CLEC2D: variants seen among roughly 807,000 people sequenced by gnomAD.
CLEC2D encodes C-type lectin domain family 2 member D, also known as C-type lectin related f.
A neutral mutation model predicts 20.0 loss-of-function variants in CLEC2D; 16 were observed. The observed-to-expected ratio is 0.80, with a 90% CI of 0.54 to 1.22. The LOEUF (loss-of-function observed/expected upper bound fraction) is 1.22, where lower values mean the gene tolerates loss of function less well. CLEC2D is among the 50% of genes most tolerant of loss of function. The probability of loss-of-function intolerance (pLI) is 0.00; values close to 1 mark genes in which losing one functional copy is unlikely to be tolerated. For synonymous variants in CLEC2D, 77 were observed against 71.1 expected (o/e 1.08, Z -0.42); for missense variants, 207 against 221.5 (o/e 0.93, Z 0.42).
intron 2 of CLEC2D, among the ~76,000 whole-genome samples, chr12:9,685,495 C>T (rs1195680929): frequency 2.0e-5 from 3 of 152,222 alleles, no homozygotes; most frequent in African/African-American, 7.2e-5. Context: ...TATCTATAAG[C>T]CCCTGACTGG....
chr12:9,681,584 C>G (rs951502106), intron 2 of CLEC2D, among the ~76,000 whole-genome samples: 5 of 148,062 alleles, frequency 3.4e-5, no homozygotes, highest in Non-Finnish European at 4.5e-5. Context: ...TTATCTTGTA[C>G]TTCAAAACAT....
At chr12:9,671,799 A>T (rs1409920095) in intron 1 of CLEC2D, among the ~76,000 whole-genome samples, 2 of 152,154 alleles carry the variant, frequency 1.3e-5, no homozygotes, top group Non-Finnish European at 2.9e-5. Context: ...TAGAGGAGGG[A>T]AATTTAAATT....
At chr12:9,672,972 A>T (rs1038372111) in intron 1 of CLEC2D, among the ~76,000 whole-genome samples, 1 of 152,032 alleles carries the variant, frequency 6.6e-6, no homozygotes, top group African/African-American at 2.4e-5. Flanking sequence ...GTAATCTTTT[A>T]TCATGCTTCT....
intron 2 of CLEC2D, among the ~76,000 whole-genome samples, chr12:9,685,994 G>A (rs1865739579): frequency 6.6e-6 from 1 of 152,134 alleles, no homozygotes. Flanking sequence ...TGGCACTCCA[G>A]AGAATCTCCT....
At chr12:9,675,274 A>G (rs1471974976) in intron 1 of CLEC2D, among the ~76,000 whole-genome samples, 2 of 150,438 alleles carry the variant, frequency 1.3e-5, no homozygotes, top group Non-Finnish European at 2.9e-5. Context: ...GCTCACTGCA[A>G]GCTCCGCCTC....
At chr12:9,685,775 T>A (rs1865735259) in intron 2 of CLEC2D, among the ~76,000 whole-genome samples, 1 of 152,132 alleles carries the variant, frequency 6.6e-6, no homozygotes, top group Non-Finnish European at 1.5e-5. Context: ...AGCCAGTGGG[T>A]CTTAGCTTGC....
intron 1 of CLEC2D, among the ~76,000 whole-genome samples, chr12:9,672,806 C>T (rs2120888742): frequency 6.6e-6 from 1 of 151,988 alleles, no homozygotes; most frequent in Non-Finnish European, 1.5e-5. Context: ...CTTATTTCAG[C>T]AAGAGAGTCT....
rs769100213 is a variant in CLEC2D at position 9,680,970 on chromosome 12, C to T, written c.109C>T (p.Arg37Cys). 1.4e-5 allele frequency: 22 copies of T among 1,607,022 alleles called. No homozygotes were observed. Among genetic ancestry groups the T allele is most frequent in the East Asian group, 4.5e-5 (2 of 44,736 alleles). Residue 37 changes from arginine (R) to cysteine (C), a missense_variant, in exon 2 of 5, where the codon CGC (arginine) becomes TGC (cysteine). Arg to Cys is a radical substitution (Grantham distance 180, BLOSUM62 -3). Coordinates refer to ENST00000290855, the MANE Select transcript of CLEC2D (RefSeq NM_013269.6). ...TTCTATTAAAGCTACCTTAATTTGG[C>T]GCTTATTTTTCTTAATCATGTTTCT... ...EHSIKATLIW[R>C]LFFLIMFLTI...
intron 3 of CLEC2D, among the ~76,000 whole-genome samples, chr12:9,689,906 A>C (rs940334894): frequency 6.6e-5 from 10 of 152,148 alleles, no homozygotes; most frequent in Admixed American, 4.6e-4. Flanking sequence ...TACTGTAGAA[A>C]TCCAGGAAAG....
At chr12:9,683,289 C>T (rs1865675438) in intron 2 of CLEC2D, among the ~76,000 whole-genome samples, 2 of 138,272 alleles carry the variant, frequency 1.4e-5, no homozygotes, top group South Asian at 2.2e-4. Flanking sequence ...GTCTCCCATT[C>T]TGTAGGTTGC....
At chr12:9,688,136 T>C (rs746183662) in intron 3 of CLEC2D, 50 bp downstream of exon 3, 3 of 1,470,232 alleles carry the variant, frequency 2.0e-6, no homozygotes, top group Non-Finnish European at 2.7e-6. Flanking sequence ...TACAAGGATA[T>C]GTTTTCCTGT....
Position 9,680,800 on chromosome 12 carries a change from T to A in CLEC2D, c.62-123T>A, listed in dbSNP as rs780574596. Reference sequence around the variant, plus strand: ...AATAGTAAGTTCATAAGATGACAGGTCATTTGCATCCTCTAGTGAAAAGCG... The same window carrying A: ...AATAGTAAGTTCATAAGATGACAGGACATTTGCATCCTCTAGTGAAAAGCG... On this transcript the variant is annotated intron_variant, in intron 1 of 4. Transcript: ENST00000290855. 16 of 568,402 alleles carry A rather than the reference T, an allele frequency of 2.8e-5. No individual in the cohort carries two copies. The East Asian group carries it at 4.5e-4, about 16-fold the overall frequency. 35.2% of individuals were successfully genotyped at this position (568,402 alleles called of 1,614,324 possible).
At chr12:9,688,120 C>T (rs1865789558) in intron 3 of CLEC2D, 34 bp downstream of exon 3, 1 of 1,524,280 alleles carries the variant, frequency 6.6e-7, no homozygotes, top group Non-Finnish European at 8.8e-7. Flanking sequence ...ATCAAAGATT[C>T]AGCCCTACAA....
rs530430817 is a variant in CLEC2D at position 9,697,976 on chromosome 12, AGT to A, written c.*3105_*3106del. On this transcript the variant is annotated 3_prime_UTR_variant, in exon 5 of 5. Coordinates refer to ENST00000290855, the MANE Select transcript of CLEC2D (RefSeq NM_013269.6). ...GATGAAGCTTATGTTAATTAGATTAAGTGTATGTACATAAAAACATCACATTA... is the reference window on the plus strand; with the variant it reads ...GATGAAGCTTATGTTAATTAGATTAAGTATGTACATAAAAACATCACATTA... 1.3e-5 allele frequency: 2 copies of A among 152,230 alleles called. No individual in the cohort carries two copies. Among genetic ancestry groups the A allele is most frequent in the Non-Finnish European group, 2.9e-5 (2 of 68,034 alleles). 9.4% of individuals were successfully genotyped at this position (152,230 alleles called of 1,614,324 possible).
chr12:9,675,003 G>A (rs116610693), intron 1 of CLEC2D, among the ~76,000 whole-genome samples: 3,191 of 152,142 alleles, frequency 0.021, 115 homozygotes, highest in African/African-American at 0.073. Flanking sequence ...TAAAATCTGG[G>A]CCTAGATTCA....
intron 1 of CLEC2D, among the ~76,000 whole-genome samples, chr12:9,679,646 CTA>C (rs755142525): frequency 2.0e-5 from 3 of 152,120 alleles, no homozygotes; most frequent in Non-Finnish European, 2.9e-5. Context: ...TATGTGAACT[CTA>C]TATTTTTAAT....
In CLEC2D at chr12:9,686,781, T is replaced by TA. The variant is rs1216625106; in HGVS notation, c.173-1119dup. ...GAAGAGAGCATTTCTCCTGATTATA[T>TA]AAGAAGTGGGTCAGAAAAGCCTGTC... On this transcript the variant is annotated intron_variant, in intron 2 of 4. Transcript: ENST00000290855. 2.0e-5 allele frequency among the ~76,000 whole-genome samples: 3 copies of TA among 152,312 alleles called. No individual in the cohort carries two copies. In the East Asian group the frequency reaches 5.8e-4, roughly 29 times the overall value.
At chr12:9,690,640 A>G (rs977803965) in intron 3 of CLEC2D, among the ~76,000 whole-genome samples, 2 of 151,898 alleles carry the variant, frequency 1.3e-5, no homozygotes, top group Non-Finnish European at 2.9e-5. Context: ...GAAGACATAT[A>G]GGATCAAAAT....
At chr12:9,680,210 C>G (rs1438809715) in intron 1 of CLEC2D, 1 of 333,980 alleles carries the variant, frequency 3.0e-6, no homozygotes, top group African/African-American at 2.1e-5. Flanking sequence ...CTCCTGCTGC[C>G]ATGTGAAGAA....
Sources: gnomAD v4.1 joint callset for allele counts (sites outside exome capture counted in the v4.1 genomes callset) on GRCh38, gnomAD v4.1.1 for gene constraint, MANE v1.5 for transcripts, NCBI Gene and HGNC (gene_info 2026-07-23, HGNC 2026-07-21) for gene names.